LRRTM4: variants seen among roughly 807,000 people sequenced by gnomAD.
LRRTM4 encodes leucine-rich repeat transmembrane neuronal protein 4.
Under a neutral mutation model 47.6 loss-of-function variants are expected in LRRTM4, and 25 were observed. That is an observed-to-expected ratio of 0.53 (90% CI 0.38 to 0.73). The LOEUF (loss-of-function observed/expected upper bound fraction) is 0.73, where lower values mean the gene tolerates loss of function less well. Ranked by LOEUF, LRRTM4 falls within the 30% of genes least tolerant of loss-of-function variation. The pLI, the probability that LRRTM4 is intolerant of heterozygous loss-of-function variation, is 0.00. For synonymous variants in LRRTM4, 311 were observed against 269.5 expected, an observed-to-expected ratio of 1.15 and a Z score of -1.51; for missense variants, 638 against 713.4, an observed-to-expected ratio of 0.89 and a Z score of 1.20.
At chr2:76,922,404 C>T (rs1196563026) in intron 3 of LRRTM4, among the ~76,000 whole-genome samples, 7 of 152,014 alleles carry the variant, frequency 4.6e-5, no homozygotes, top group Admixed American at 2.0e-4. Flanking sequence ...GTGCCACATA[C>T]TTTCAAACAA....
intron 3 of LRRTM4, among the ~76,000 whole-genome samples, chr2:77,276,285 C>G (rs936247587): frequency 1.4e-5 from 2 of 141,014 alleles, no homozygotes; most frequent in East Asian, 4.4e-4. Flanking sequence ...AAAACATACG[C>G]TATTTTTAAA....
intron 3 of LRRTM4, among the ~76,000 whole-genome samples, chr2:77,263,465 G>A (rs1415788353): frequency 6.6e-6 from 1 of 152,034 alleles, no homozygotes; most frequent in Non-Finnish European, 1.5e-5. Flanking sequence ...ATCTGCAGTG[G>A]GGGTATCTTG....
chr2:77,404,898 G>A (rs1190332551), intron 3 of LRRTM4, among the ~76,000 whole-genome samples: 7 of 152,026 alleles, frequency 4.6e-5, no homozygotes, highest in Non-Finnish European at 8.8e-5. Context: ...ATAGCATTTA[G>A]TTAAGCAACA....
chr2:77,070,604 G>A (rs1680119623), intron 3 of LRRTM4, among the ~76,000 whole-genome samples: 1 of 151,602 alleles, frequency 6.6e-6, no homozygotes, highest in Admixed American at 6.6e-5. Flanking sequence ...ATAACATTAG[G>A]TTATAAAGTT....
chr2:76,763,757 T>C (rs185301306), intron 3 of LRRTM4, among the ~76,000 whole-genome samples: 230 of 152,278 alleles, frequency 1.5e-3, no homozygotes, highest in African/African-American at 5.3e-3. Flanking sequence ...ATGAAGAGTT[T>C]GTTGGTAGAA....
chr2:76,840,490 G>T (rs1178630195), intron 3 of LRRTM4, among the ~76,000 whole-genome samples: 1 of 152,144 alleles, frequency 6.6e-6, no homozygotes, highest in East Asian at 1.9e-4. Flanking sequence ...GAAGCAAAAT[G>T]CCAGTAAATA....
chr2:76,819,639 G>A (rs1261843243), intron 3 of LRRTM4, among the ~76,000 whole-genome samples: 1 of 151,864 alleles, frequency 6.6e-6, no homozygotes, highest in Non-Finnish European at 1.5e-5. Context: ...ACACACAACA[G>A]TAATACTTGC....
intron 3 of LRRTM4, among the ~76,000 whole-genome samples, chr2:77,139,963 T>G (rs576296270): frequency 6.6e-6 from 1 of 152,108 alleles, no homozygotes; most frequent in East Asian, 1.9e-4. Context: ...CACTTCTCAA[T>G]GAAATAAAAG....
intron 3 of LRRTM4, among the ~76,000 whole-genome samples, chr2:77,185,298 C>T (rs1573051112): frequency 6.6e-6 from 1 of 152,086 alleles, no homozygotes; most frequent in African/African-American, 2.4e-5. Context: ...TGTCGTTCTT[C>T]GGATGAAATG....
At chr2:76,928,634 G>A (rs530411228) in intron 3 of LRRTM4, among the ~76,000 whole-genome samples, 2 of 152,208 alleles carry the variant, frequency 1.3e-5, no homozygotes, top group South Asian at 4.2e-4. Flanking sequence ...TGGGCATTCA[G>A]GGAAACCAAC....
intron 3 of LRRTM4, among the ~76,000 whole-genome samples, chr2:76,866,027 A>C (rs1672455637): frequency 6.6e-6 from 1 of 152,144 alleles, no homozygotes; most frequent in Admixed American, 6.6e-5. Context: ...CTCAGTAGCC[A>C]CCGTGAAAGG....
intron 3 of LRRTM4, among the ~76,000 whole-genome samples, chr2:77,213,997 T>A (rs1040089986): frequency 1.3e-5 from 2 of 151,948 alleles, no homozygotes; most frequent in Non-Finnish European, 2.9e-5. Context: ...TCCTGAGCCC[T>A]AGAAGAAACT....
At chr2:77,251,482 C>T (rs1233162924) in intron 3 of LRRTM4, among the ~76,000 whole-genome samples, 4 of 151,688 alleles carry the variant, frequency 2.6e-5, no homozygotes. Flanking sequence ...TGAATTCACC[C>T]CAGGGAGAAT....
chr2:76,847,894 T>C (rs761853659), intron 3 of LRRTM4, among the ~76,000 whole-genome samples: 1 of 152,116 alleles, frequency 6.6e-6, no homozygotes, highest in Non-Finnish European at 1.5e-5. Flanking sequence ...ACAAGTGAGA[T>C]TTGCCTATCA....
chr2:77,378,796 T>C (rs953197218), intron 3 of LRRTM4, among the ~76,000 whole-genome samples: 1 of 152,084 alleles, frequency 6.6e-6, no homozygotes, highest in Non-Finnish European at 1.5e-5. Context: ...ATGTGCACAA[T>C]GGACCCTCCT....
chr2:76,877,586 GAATTT>G (rs952963316), intron 3 of LRRTM4, among the ~76,000 whole-genome samples: 3 of 151,942 alleles, frequency 2.0e-5, no homozygotes, highest in African/African-American at 4.8e-5. Context: ...CAATAAACTA[GAATTT>G]AATTATTTCG....
chr2:77,485,377 T>C (rs530295743), intron 3 of LRRTM4, among the ~76,000 whole-genome samples: 1 of 152,140 alleles, frequency 6.6e-6, no homozygotes, highest in African/African-American at 2.4e-5. Flanking sequence ...ATTTTCCAGG[T>C]AGACAAAATA....
chr2:77,516,019 T>C (rs1679194592), intron 3 of LRRTM4, among the ~76,000 whole-genome samples: 1 of 151,850 alleles, frequency 6.6e-6, no homozygotes, highest in South Asian at 2.1e-4. Flanking sequence ...CATTTAAATA[T>C]AGTTTTATAG....
intron 3 of LRRTM4, among the ~76,000 whole-genome samples, chr2:76,816,819 GTTTTTTTTTTTTTTTTTTTTTTTT>G (rs201525166): frequency 0.015 from 1,420 of 96,518 alleles, 38 homozygotes; most frequent in African/African-American, 0.042. Context: ...GAGGTAAAGA[GTTTTTTTTTTTTTTTTTTTTTTTT>G]TTTTTTTTTT....
Sources: gnomAD v4.1 joint callset for allele counts (sites outside exome capture counted in the v4.1 genomes callset) on GRCh38, gnomAD v4.1.1 for gene constraint, MANE v1.5 for transcripts, NCBI Gene and HGNC (gene_info 2026-07-23, HGNC 2026-07-21) for gene names.